The following CSMD1 variants were observed in gnomAD, a reference collection of about 807,000 sequenced individuals.
The protein encoded by CSMD1 is CUB and sushi domain-containing protein 1.
A neutral mutation model predicts 417.5 loss-of-function variants in CSMD1; 213 were observed. The observed-to-expected ratio is 0.51, with a 90% CI of 0.46 to 0.57. CSMD1 has a LOEUF of 0.57. CSMD1 is among the 20% of genes least tolerant of loss of function. CSMD1 has a pLI of 0.00. For missense variants in CSMD1, 6,923 were observed against 4,529.7 expected, an observed-to-expected ratio of 1.53 and a Z score of -15.17; for synonymous variants, 2,862 against 1,736.8, an observed-to-expected ratio of 1.65 and a Z score of -16.11.
chr8:3,106,349 G>T (rs939547931), intron 46 of CSMD1, among the ~76,000 whole-genome samples, 179 bp downstream of exon 46: 4 of 152,162 alleles, frequency 2.6e-5, no homozygotes, highest in Admixed American at 2.0e-4. Flanking sequence ...GGTGAGCCAT[G>T]ATTGCACCAC....
chr8:4,126,824 T>G (rs913399150), intron 3 of CSMD1, among the ~76,000 whole-genome samples: 1 of 152,144 alleles, frequency 6.6e-6, no homozygotes, highest in African/African-American at 2.4e-5. Context: ...GGGTAGGAGA[T>G]GTCCAGGACA....
At chr8:3,791,175 G>A (rs948331709) in intron 5 of CSMD1, among the ~76,000 whole-genome samples, 2 of 152,124 alleles carry the variant, frequency 1.3e-5, no homozygotes, top group Non-Finnish European at 2.9e-5. Flanking sequence ...TATTTTAGGA[G>A]CATTTAGATG....
At chr8:4,408,419 G>C (rs991548388) in intron 3 of CSMD1, among the ~76,000 whole-genome samples, 4 of 152,158 alleles carry the variant, frequency 2.6e-5, no homozygotes, top group East Asian at 1.9e-4. Context: ...CCATTGATCA[G>C]GTTTTAAAGA....
chr8:4,952,672 T>C (rs1344227785), intron 1 of CSMD1, among the ~76,000 whole-genome samples: 2 of 152,056 alleles, frequency 1.3e-5, no homozygotes, highest in Non-Finnish European at 2.9e-5. Flanking sequence ...TAAAAATCTA[T>C]CAGAAGCAAA....
At chr8:4,205,339 A>C (rs1163445428) in intron 3 of CSMD1, among the ~76,000 whole-genome samples, 2 of 152,242 alleles carry the variant, frequency 1.3e-5, no homozygotes, top group African/African-American at 4.8e-5. Flanking sequence ...ATAAGTATTT[A>C]ATGATTGAGA....
intron 1 of CSMD1, among the ~76,000 whole-genome samples, chr8:4,750,889 C>T (rs1585041750): frequency 6.6e-6 from 1 of 152,160 alleles, no homozygotes; most frequent in African/African-American, 2.4e-5. Flanking sequence ...CCCAGAGAAG[C>T]AGTACTAGGT....
chr8:4,385,700 A>G (rs1803403146), intron 3 of CSMD1, among the ~76,000 whole-genome samples: 2 of 152,178 alleles, frequency 1.3e-5, no homozygotes, highest in African/African-American at 4.8e-5. Context: ...GTAATATAGT[A>G]TTTTTATAGA....
intron 1 of CSMD1, among the ~76,000 whole-genome samples, chr8:4,682,768 C>T (rs1473853597): frequency 6.6e-6 from 1 of 151,126 alleles, no homozygotes; most frequent in African/African-American, 2.4e-5. Context: ...TAGTTTAAAT[C>T]CTTCAGTAAG....
At chr8:4,289,597 G>A (rs563672861) in intron 3 of CSMD1, among the ~76,000 whole-genome samples, 1 of 152,162 alleles carries the variant, frequency 6.6e-6, no homozygotes, top group East Asian at 1.9e-4. Flanking sequence ...TGGCAGTGAC[G>A]ATGGTGCCGT....
At chr8:4,973,759 C>A (rs1342369352) in intron 1 of CSMD1, among the ~76,000 whole-genome samples, 1 of 152,046 alleles carries the variant, frequency 6.6e-6, no homozygotes, top group Non-Finnish European at 1.5e-5. Flanking sequence ...TTTTTATTCA[C>A]CCAAAGATGT....
chr8:3,847,909 T>A (rs1189788204), intron 5 of CSMD1, among the ~76,000 whole-genome samples: 1 of 152,210 alleles, frequency 6.6e-6, no homozygotes, highest in East Asian at 1.9e-4. Flanking sequence ...TTTCTCTCCT[T>A]ATAAATAAAG....
intron 1 of CSMD1, among the ~76,000 whole-genome samples, chr8:4,670,335 T>G (rs1167703968): frequency 6.6e-6 from 1 of 152,146 alleles, no homozygotes; most frequent in Non-Finnish European, 1.5e-5. Context: ...GACTTTGTCT[T>G]ATTTATGACC....
At position 3,468,706 on chromosome 8, in the gene CSMD1, T is replaced by C; in HGVS notation, c.1561+6A>G. ...TCCAACCCTGTGAAGTGTAATCTCA[T>C]CATACCTTGGTAAACAGCTTTAAAC... On this transcript the variant is annotated splice_donor_region_variant and intron_variant, in intron 12 of 69. Transcript: ENST00000635120. The C allele has an allele frequency of 1.3e-6, 2 of 1,575,582 alleles. No homozygotes were observed. Among genetic ancestry groups the C allele is most frequent in the Non-Finnish European group, 1.7e-6 (2 of 1,153,166 alleles).
chr8:4,253,465 T>G, intron 3 of CSMD1, among the ~76,000 whole-genome samples: 1 of 152,126 alleles, frequency 6.6e-6, no homozygotes, highest in East Asian at 1.9e-4. Flanking sequence ...TAATAAACAT[T>G]TGTTGTTTAA....
chr8:3,254,441 G>A (rs1322151364), intron 26 of CSMD1, among the ~76,000 whole-genome samples: 1 of 152,174 alleles, frequency 6.6e-6, no homozygotes, highest in East Asian at 1.9e-4. Context: ...GATTGGGGAA[G>A]TTCTCCTGGT....
chr8:3,048,127 A>T (rs1811576957), intron 50 of CSMD1, among the ~76,000 whole-genome samples: 1 of 152,174 alleles, frequency 6.6e-6, no homozygotes, highest in Admixed American at 6.5e-5. Flanking sequence ...CAGGTAAAAC[A>T]ATTTCTATTT....
intron 2 of CSMD1, among the ~76,000 whole-genome samples, chr8:4,463,042 A>G (rs763536280): frequency 6.6e-6 from 1 of 152,210 alleles, no homozygotes; most frequent in Non-Finnish European, 1.5e-5. Context: ...CAAATTATAT[A>G]AAATATAAAT....
intron 62 of CSMD1, among the ~76,000 whole-genome samples, chr8:2,959,624 C>T (rs886154741): frequency 2.0e-5 from 3 of 152,074 alleles, no homozygotes; most frequent in East Asian, 1.9e-4. Context: ...CCTGGAGCTA[C>T]GGGTTTCGGG....
At chr8:4,287,909 C>T (rs1316182428) in intron 3 of CSMD1, among the ~76,000 whole-genome samples, 1 of 152,018 alleles carries the variant, frequency 6.6e-6, no homozygotes, top group Non-Finnish European at 1.5e-5. Context: ...CTTAAGCCAT[C>T]ACATATCTAT....
Sources: allele counts gnomAD v4.1 joint callset (sites outside exome capture counted in the v4.1 genomes callset), GRCh38; gene constraint gnomAD v4.1.1; transcripts MANE v1.5; gene names NCBI Gene and HGNC (gene_info 2026-07-23, HGNC 2026-07-21).